Variants in KALRN observed in about 807,000 individuals in gnomAD.
The protein encoded by KALRN is kalirin.
In KALRN, 70 loss-of-function variants were observed where a neutral mutation model predicts 353.7. The observed-to-expected ratio is 0.20, with a 90% CI of 0.16 to 0.24. The LOEUF (loss-of-function observed/expected upper bound fraction) is 0.24, where lower values mean the gene tolerates loss of function less well. KALRN is among the 10% of genes least tolerant of loss of function. The pLI is 1.00. For missense variants in KALRN, 2,791 were observed against 3,756.7 expected, an observed-to-expected ratio of 0.74 and a Z score of 6.72; for synonymous variants, 1,391 against 1,434.8, an observed-to-expected ratio of 0.97 and a Z score of 0.69.
chr3:124,447,201 T>G (rs1483041681), intron 21 of KALRN, among the ~76,000 whole-genome samples: 1 of 152,218 alleles, frequency 6.6e-6, no homozygotes, highest in Non-Finnish European at 1.5e-5. Flanking sequence ...GGTGTATTCA[T>G]GTAAAAATGT....
At chr3:124,130,726 C>G (rs1408230874) in intron 1 of KALRN, among the ~76,000 whole-genome samples, 1 of 152,088 alleles carries the variant, frequency 6.6e-6, no homozygotes, top group Non-Finnish European at 1.5e-5. Context: ...TGGAAACAAC[C>G]AAAATGTTGT....
chr3:124,229,236 C>T (rs949714886), intron 2 of KALRN, among the ~76,000 whole-genome samples: 2 of 152,170 alleles, frequency 1.3e-5, no homozygotes, highest in East Asian at 1.9e-4. Context: ...AGAAAAAGTC[C>T]GGTGACCCCT....
intron 51 of KALRN, among the ~76,000 whole-genome samples, chr3:124,687,980 T>C (rs991047836): frequency 1.3e-4 from 20 of 152,192 alleles, no homozygotes; most frequent in Admixed American, 1.2e-3. Context: ...GCATTTACAT[T>C]TTTTAAAATT....
At chr3:124,323,545 C>G (rs2079564811) in intron 6 of KALRN, among the ~76,000 whole-genome samples, 2 of 152,220 alleles carry the variant, frequency 1.3e-5, no homozygotes, top group African/African-American at 4.8e-5. Context: ...AGTTGGACAC[C>G]TCTAATAGCT....
intron 27 of KALRN, among the ~76,000 whole-genome samples, chr3:124,481,170 T>C (rs1308193715): frequency 3.9e-5 from 6 of 152,134 alleles, no homozygotes; most frequent in Admixed American, 3.9e-4. Flanking sequence ...GAAACATTAC[T>C]TTCATCATGT....
chr3:124,323,867 C>T (rs2079599785), intron 6 of KALRN, among the ~76,000 whole-genome samples: 1 of 152,226 alleles, frequency 6.6e-6, no homozygotes, highest in Non-Finnish European at 1.5e-5. Flanking sequence ...TATATGGCCT[C>T]AGCCTGCCCT....
At chr3:124,439,998 C>T (rs1467691709) in intron 18 of KALRN, among the ~76,000 whole-genome samples, 1 of 152,102 alleles carries the variant, frequency 6.6e-6, no homozygotes, top group African/African-American at 2.4e-5. Flanking sequence ...AACTGCCTTT[C>T]TTTTATTAGG....
At chr3:124,375,957 C>T (rs1034417419) in intron 10 of KALRN, among the ~76,000 whole-genome samples, 13 of 152,124 alleles carry the variant, frequency 8.5e-5, no homozygotes, top group Middle Eastern at 3.4e-3. Flanking sequence ...TAAACACACA[C>T]GGTTGGACTG....
At chr3:124,148,350 G>A (rs1444893644) in intron 1 of KALRN, among the ~76,000 whole-genome samples, 1 of 152,208 alleles carries the variant, frequency 6.6e-6, no homozygotes. Flanking sequence ...TCTTCATGGA[G>A]TTTGAGGAAA....
At position 124,395,131 on chromosome 3, in the gene KALRN, A is replaced by C. The variant is rs368434388; in HGVS notation, c.1963-4A>C. On this transcript the variant is annotated splice_region_variant and splice_polypyrimidine_tract_variant and intron_variant, in intron 11 of 59. Coordinates refer to ENST00000682506, the MANE Select transcript of KALRN (RefSeq NM_001388419.1). ...TGAGTGGAATCTCTGCTCTCTCTCT[A>C]CAGTTGTGGACATGGATGGAAGACC... is the stretch of plus-strand genomic sequence containing the variant. 9 of 1,609,674 alleles carry C rather than the reference A, an allele frequency of 5.6e-6. No homozygotes were observed. The East Asian group carries it at 1.8e-4, about 32-fold the overall frequency.
intron 1 of KALRN, among the ~76,000 whole-genome samples, chr3:124,169,775 G>A (rs2071457277): frequency 6.6e-6 from 1 of 152,202 alleles, no homozygotes; most frequent in South Asian, 2.1e-4. Context: ...TAGGGGAGTA[G>A]TCAGGGGAAG....
At chr3:124,653,982 T>C (rs960619945) in intron 38 of KALRN, among the ~76,000 whole-genome samples, 1 of 152,222 alleles carries the variant, frequency 6.6e-6, no homozygotes, top group Admixed American at 6.5e-5. Flanking sequence ...CAGCACCTAA[T>C]ACAGTTCCCT....
Position 124,694,471 on chromosome 3 carries a change from T to C in KALRN, c.7545T>C (p.Asp2515=). ...KGPDQNILDT[D]NSSATYTVSS... ...CAGACCAGAACATCCTTGACACTGA[T>C]AACAGCTCAGCCACATACACGGTCT... Residue 2515 remains aspartate, a synonymous_variant, in exon 53 of 60, where the codon GAT becomes GAC. Coordinates refer to ENST00000682506, the MANE Select transcript of KALRN (RefSeq NM_001388419.1). The C allele has an allele frequency of 6.2e-7, 1 of 1,614,170 alleles. No individual in the cohort carries two copies. The highest frequency in any genetic ancestry group is 1.3e-5 in the African/African-American group (1 of 75,058).
chr3:124,114,125 G>C (rs1272535378), intron 1 of KALRN, among the ~76,000 whole-genome samples: 1 of 152,206 alleles, frequency 6.6e-6, no homozygotes, highest in Non-Finnish European at 1.5e-5. Context: ...GCTTGAGGGA[G>C]CAGGTTGGAA....
At chr3:124,243,538 G>T (rs2080763109) in intron 3 of KALRN, among the ~76,000 whole-genome samples, 1 of 152,198 alleles carries the variant, frequency 6.6e-6, no homozygotes, top group Admixed American at 6.5e-5. Flanking sequence ...TGAGGGTAGT[G>T]AGTCTCCTTC....
chr3:124,395,058 G>T (rs561699043), intron 11 of KALRN, 77 bp from the exon 12 acceptor site: 2 of 1,148,278 alleles, frequency 1.7e-6, no homozygotes, highest in East Asian at 4.7e-5. Context: ...GGTGATTCCA[G>T]TCTAGCTTCC....
intron 10 of KALRN, among the ~76,000 whole-genome samples, chr3:124,371,093 A>G (rs968197099): frequency 1.3e-5 from 2 of 152,194 alleles, no homozygotes; most frequent in African/African-American, 4.8e-5. Flanking sequence ...CCTTGCTTCA[A>G]TTTTAGCAGA....
At chr3:124,523,909 T>A (rs765431120) in intron 33 of KALRN, among the ~76,000 whole-genome samples, 7 of 152,230 alleles carry the variant, frequency 4.6e-5, no homozygotes, top group Non-Finnish European at 7.3e-5. Context: ...TTTAGAAGCT[T>A]AATTTCTAAA....
At chr3:124,338,274 G>C (rs527786081) in intron 9 of KALRN, among the ~76,000 whole-genome samples, 1 of 152,172 alleles carries the variant, frequency 6.6e-6, no homozygotes, top group Admixed American at 6.5e-5. Flanking sequence ...TGGGCATTTA[G>C]TGCTATAAAT....
Sources: gnomAD v4.1 joint callset for allele counts (sites outside exome capture counted in the v4.1 genomes callset) on GRCh38, gnomAD v4.1.1 for gene constraint, MANE v1.5 for transcripts, NCBI Gene and HGNC (gene_info 2026-07-23, HGNC 2026-07-21) for gene names.